Variants in CRB2 observed in about 807,000 individuals in gnomAD.
CRB2 encodes the protein protein crumbs homolog 2.
A neutral mutation model predicts 110.9 loss-of-function variants in CRB2; 85 were observed. The ratio of observed to expected loss-of-function variants is 0.77; its 90% CI spans 0.64 to 0.92. CRB2 has a LOEUF of 0.92. Ranked by LOEUF, CRB2 falls within the 40% of genes least tolerant of loss-of-function variation. The pLI is 0.00. For missense variants in CRB2, 1,843 were observed against 1,851.3 expected, an observed-to-expected ratio of 1.00 and a Z score of 0.08; for synonymous variants, 907 against 831.0, an observed-to-expected ratio of 1.09 and a Z score of -1.57.
At chr9:123,357,519 G>A (rs766703889) in intron 1 of CRB2, among the ~76,000 whole-genome samples, 21 of 152,056 alleles carry the variant, frequency 1.4e-4, no homozygotes, top group South Asian at 4.1e-4. Flanking sequence ...GGAGGATGAG[G>A]ACCCCATTTT....
At chr9:123,375,448 T>A in intron 12 of CRB2, 105 bp downstream of exon 12, 1 of 1,346,762 alleles carries the variant, frequency 7.4e-7, no homozygotes, top group South Asian at 1.6e-5. Context: ...CCTGGGCCAC[T>A]CTGTCATGGG....
intron 1 of CRB2, among the ~76,000 whole-genome samples, chr9:123,359,432 TTTTGTTTTG>T (rs1489669190): frequency 1.4e-4 from 13 of 91,772 alleles, no homozygotes; most frequent in Admixed American, 4.8e-4. Flanking sequence ...GGTTTTTCGT[TTTTGTTTTG>T]TTTTTTTTTT....
At chr9:123,357,021 G>A (rs2041808208) in intron 1 of CRB2, among the ~76,000 whole-genome samples, 1 of 152,056 alleles carries the variant, frequency 6.6e-6, no homozygotes, top group Admixed American at 6.5e-5. Flanking sequence ...GGAGCTGGGT[G>A]CCTGCCCGCA....
intron 12 of CRB2, 38 bp downstream of exon 12, chr9:123,375,381 C>T (rs1240477453): frequency 1.9e-6 from 3 of 1,539,768 alleles, no homozygotes; most frequent in South Asian, 1.3e-5. Context: ...TGGACGTGGC[C>T]TGCTGGGCCC....
At chr9:123,363,305 G>A (rs776420098) in intron 2 of CRB2, 117 bp downstream of exon 2, 8 of 1,118,508 alleles carry the variant, frequency 7.2e-6, no homozygotes, top group Middle Eastern at 4.9e-4. Context: ...CCAGGCATCC[G>A]GGCAGCTCTA....
chr9:123,373,394 G>T lies in CRB2; in HGVS notation c.2863G>T (p.Ala955Ser). The T allele has an allele frequency of 2.1e-6, 3 of 1,442,358 alleles. No individual in the cohort carries two copies. The highest frequency in any genetic ancestry group is 2.7e-6 in the Non-Finnish European group (3 of 1,104,016). 89.3% of individuals were successfully genotyped at this position (1,442,358 alleles called of 1,614,324 possible). ...ACCGGGGCCGCGCGTGGCCGATGGT[G>T]CCTGGCACCGCGTGCGTCTGGCCAT... ...PIPGPRVADG[A>S]WHRVRLAMER... The change falls in exon 10 of 13, where the codon GCC (alanine) becomes TCC (serine). Residue 955 changes from alanine to serine, a missense_variant. By Grantham distance (99) the Ala-to-Ser change is moderately conservative. Transcript: ENST00000373631.
At chr9:123,359,430 G>GTTTGTTTTTTTTTTTTTTTT (rs2041835449) in intron 1 of CRB2, among the ~76,000 whole-genome samples, 6 of 98,012 alleles carry the variant, frequency 6.1e-5, no homozygotes, top group Admixed American at 9.7e-5. Context: ...GTGGTTTTTC[G>GTTTGTTTTTTTTTTTTTTTT]TTTTTGTTTT....
chr9:123,355,264 C>A (rs2132721614), upstream of CRB2, among the ~76,000 whole-genome samples: 1 of 152,256 alleles, frequency 6.6e-6, no homozygotes, highest in Admixed American at 6.5e-5. Flanking sequence ...AGCAAGCAAA[C>A]ATCGAGTGCA....
chr9:123,367,513 C>G, intron 5 of CRB2, 60 bp from the exon 6 acceptor site: 1 of 1,449,790 alleles, frequency 6.9e-7, no homozygotes, highest in Non-Finnish European at 9.4e-7. Context: ...AGAATGGACC[C>G]TCTCAGCCCC....
chr9:123,358,642 G>C (rs2041826723), intron 1 of CRB2, among the ~76,000 whole-genome samples: 1 of 152,210 alleles, frequency 6.6e-6, no homozygotes, highest in Non-Finnish European at 1.5e-5. Flanking sequence ...TATGAAGTCA[G>C]CTCTGATACC....
At chr9:123,357,490 C>T (rs1028761096) in intron 1 of CRB2, among the ~76,000 whole-genome samples, 1 of 152,122 alleles carries the variant, frequency 6.6e-6, no homozygotes, top group African/African-American at 2.4e-5. Context: ...CATTTCCTAT[C>T]CTCTCTATGG....
intron 1 of CRB2, among the ~76,000 whole-genome samples, chr9:123,361,157 C>G (rs1167027575): frequency 6.7e-6 from 1 of 149,024 alleles, no homozygotes; most frequent in African/African-American, 2.5e-5. Context: ...GTTCCTTGCA[C>G]TGCACAGGTG....
intron 1 of CRB2, among the ~76,000 whole-genome samples, chr9:123,358,491 C>A (rs1013080481): frequency 1.3e-5 from 2 of 152,244 alleles, no homozygotes; most frequent in Non-Finnish European, 2.9e-5. Flanking sequence ...CAGAAAGCCA[C>A]ACACATTCAA....
upstream of CRB2, among the ~76,000 whole-genome samples, chr9:123,354,797 T>G (rs1490437209): frequency 6.6e-6 from 1 of 152,040 alleles, no homozygotes; most frequent in African/African-American, 2.4e-5. Flanking sequence ...ACCCAGGCCT[T>G]TTTGGGTTCC....
rs1403113205 is a variant in CRB2 at position 123,359,430 on chromosome 9, GTTTTTGTTTTGTTTTTTTT to G, written c.94+3082_94+3100del. Among the ~76,000 whole-genome samples, 10 of 98,026 alleles carry G rather than the reference GTTTTTGTTTTGTTTTTTTT, an allele frequency of 1.0e-4. 1 individual carries two copies. The highest frequency in any genetic ancestry group is 5.3e-4 in the East Asian group (2 of 3,782). The allele number at this position is 98,026 out of a possible 152,430, so 64.3% of individuals were successfully genotyped here. ...CTTCTTTTTTTGTTTGTGGTTTTTC[GTTTTTGTTTTGTTTTTTTT>G]TTTTTTTTTTTTTTTTTAAGAAAGG... On this transcript the variant is annotated intron_variant, in intron 1 of 12. Transcript: ENST00000373631.
At chr9:123,373,960 CT>C (rs1483253374) in intron 10 of CRB2, 40 bp downstream of exon 10, 1 of 1,549,856 alleles carries the variant, frequency 6.5e-7, no homozygotes, top group Non-Finnish European at 8.7e-7. Context: ...CGAATGCCCC[CT>C]GGGGCTATGG....
In CRB2 at chr9:123,373,777, C is replaced by CGGCCCGGGGTGGGAA. The variant is rs752999904; in HGVS notation, c.3253_3267dup (p.Gly1085_Pro1089dup). Reference sequence around the variant, plus strand: ...TCTTCGACGCCTTTGCCTGCGCCTGCGGCCCGGGGTGGGAAGGCCCGCGCT... The same window carrying CGGCCCGGGGTGGGAA: ...TCTTCGACGCCTTTGCCTGCGCCTGCGGCCCGGGGTGGGAAGGCCCGGGGTGGGAAGGCCCGCGCT... On this transcript the variant is annotated inframe_insertion, in exon 10 of 13. Transcript: ENST00000373631. 4 of 1,590,426 alleles carry CGGCCCGGGGTGGGAA rather than the reference C, an allele frequency of 2.5e-6. No individual in the cohort carries two copies. The African/African-American group carries it at 5.4e-5, about 22-fold the overall frequency.
chr9:123,375,888 C>T (rs2042095718), intron 12 of CRB2, among the ~76,000 whole-genome samples: 1 of 152,130 alleles, frequency 6.6e-6, no homozygotes, highest in South Asian at 2.1e-4. Flanking sequence ...CTCCCCGCCA[C>T]ACCCCTTCCT....
At chr9:123,365,785 C>A in intron 2 of CRB2, 132 bp from the exon 3 acceptor site, 30 of 686,638 alleles carry the variant, frequency 4.4e-5, no homozygotes, top group Middle Eastern at 3.7e-4. Flanking sequence ...CACCCCCCAA[C>A]CACCACCACC....
Sources: allele counts gnomAD v4.1 joint callset (sites outside exome capture counted in the v4.1 genomes callset), GRCh38; gene constraint gnomAD v4.1.1; transcripts MANE v1.5; gene names NCBI Gene and HGNC (gene_info 2026-07-23, HGNC 2026-07-21).